Variants in SYDE2 observed in about 807,000 individuals in gnomAD.
SYDE2 encodes rho GTPase-activating protein SYDE2.
In SYDE2, 76 loss-of-function variants were observed where a neutral mutation model predicts 91.5. That is an observed-to-expected ratio of 0.83 (90% CI 0.69 to 1.01). The LOEUF (loss-of-function observed/expected upper bound fraction) is 1.01, where lower values mean the gene tolerates loss of function less well. SYDE2 is among the 50% of genes least tolerant of loss of function. The pLI, the probability that SYDE2 is intolerant of heterozygous loss-of-function variation, is 0.00. For synonymous variants in SYDE2, 513 were observed against 506.4 expected (o/e 1.01, Z -0.18); for missense variants, 1,364 against 1,367.7 (o/e 1.00, Z 0.04).
At chr1:85,167,819 T>C (rs545414399) in intron 5 of SYDE2, among the ~76,000 whole-genome samples, 9 of 152,318 alleles carry the variant, frequency 5.9e-5, no homozygotes, top group Non-Finnish European at 1.2e-4. Context: ...GTGGCACTTA[T>C]AATTTTACCT....
intron 3 of SYDE2, chr1:85,181,865 T>C: frequency 2.7e-6 from 1 of 370,074 alleles, no homozygotes; most frequent in Non-Finnish European, 4.8e-6. Context: ...ATAAGACCCA[T>C]GAAGCTCTGT....
intron 1 of SYDE2, 76 bp downstream of exon 1, chr1:85,200,176 T>C (rs908786125): frequency 6.3e-6 from 10 of 1,588,590 alleles, no homozygotes; most frequent in Non-Finnish European, 8.5e-6. Context: ...AACTTTTTCT[T>C]GGCTCTTAAG....
intron 4 of SYDE2, 21 bp downstream of exon 4, chr1:85,178,125 A>G: frequency 6.5e-7 from 1 of 1,530,080 alleles, no homozygotes; most frequent in Non-Finnish European, 8.8e-7. Flanking sequence ...AAGAGTACAT[A>G]AAATAAAATC....
chr1:85,162,885 A>G (rs1187838992), intron 6 of SYDE2, among the ~76,000 whole-genome samples: 1 of 152,166 alleles, frequency 6.6e-6, no homozygotes, highest in Non-Finnish European at 1.5e-5. Flanking sequence ...GTTTATTAGA[A>G]TTAAAGCTGT....
intron 4 of SYDE2, among the ~76,000 whole-genome samples, chr1:85,171,623 G>A (rs1657512042): frequency 6.6e-6 from 1 of 152,100 alleles, no homozygotes; most frequent in Non-Finnish European, 1.5e-5. Flanking sequence ...ATAATGTACA[G>A]AGGTCAGAGC....
chr1:85,177,115 T>C (rs1657730617), intron 4 of SYDE2, among the ~76,000 whole-genome samples: 1 of 152,124 alleles, frequency 6.6e-6, no homozygotes, highest in Admixed American at 6.6e-5. Flanking sequence ...TCAATCTCTT[T>C]AGGTGTTTCT....
intron 1 of SYDE2, among the ~76,000 whole-genome samples, chr1:85,195,868 G>A (rs1283168403): frequency 6.6e-6 from 1 of 152,146 alleles, no homozygotes; most frequent in East Asian, 1.9e-4. Flanking sequence ...GTAAGTGCTA[G>A]GCACAGCACC....
At position 85,190,215 on chromosome 1, in the gene SYDE2, T is replaced by C. The variant is rs1370427390; in HGVS notation, c.1283A>G (p.His428Arg). ...HTEDSLCSSE[H>R]AGDIQTTRSN... ...CCGTGTGGTCTGAATATCACCTGCA[T>C]GTTCGGAAGAGCACAGTGAGTCTTC... Residue 428 changes from histidine to arginine, a missense_variant, in exon 2 of 7, where the codon CAT (histidine) becomes CGT (arginine). Physicochemically the swap from His to Arg is conservative, Grantham distance 29. Coordinates refer to ENST00000341460, the MANE Select transcript of SYDE2 (RefSeq NM_032184.2). 2 of 1,614,000 alleles carry C rather than the reference T, an allele frequency of 1.2e-6. No homozygotes were observed. The highest frequency in any genetic ancestry group is 1.7e-6 in the Non-Finnish European group (2 of 1,179,902).
chr1:85,172,102 G>A (rs1029596495), intron 4 of SYDE2, among the ~76,000 whole-genome samples: 8 of 152,108 alleles, frequency 5.3e-5, no homozygotes, highest in African/African-American at 1.9e-4. Context: ...TACACATGAA[G>A]GAATTAGAAT....
intron 2 of SYDE2, among the ~76,000 whole-genome samples, chr1:85,183,822 C>G (rs192487275): frequency 3.3e-5 from 5 of 152,162 alleles, no homozygotes; most frequent in Admixed American, 3.3e-4. Flanking sequence ...TTATCACAGC[C>G]TAGAAAAGCT....
intron 2 of SYDE2, among the ~76,000 whole-genome samples, chr1:85,185,388 CA>C (rs1234943245): frequency 3.3e-5 from 5 of 151,580 alleles, no homozygotes; most frequent in Non-Finnish European, 7.4e-5. Flanking sequence ...CAATTTGCCA[CA>C]AACATTAAAA....
intron 4 of SYDE2, among the ~76,000 whole-genome samples, chr1:85,169,662 G>A (rs938980168): frequency 1.3e-5 from 2 of 152,142 alleles, no homozygotes; most frequent in Non-Finnish European, 2.9e-5. Flanking sequence ...AGTACCAATT[G>A]TCTGAAACCC....
In SYDE2 at chr1:85,178,280, T is replaced by C. The variant is rs1358687426; in HGVS notation, c.2545-8A>G. On this transcript the variant is annotated splice_region_variant and splice_polypyrimidine_tract_variant and intron_variant, in intron 3 of 6. Transcript: ENST00000341460. ...TCGATACAGGCCTACTACCTAGGAATAAAATTATGGCCACATTACAGTAAA... is the reference window on the plus strand; with the variant it reads ...TCGATACAGGCCTACTACCTAGGAACAAAATTATGGCCACATTACAGTAAA... 2.7e-5 allele frequency: 42 copies of C among 1,561,090 alleles called. No homozygotes were observed. Among genetic ancestry groups the C allele is most frequent in the Non-Finnish European group, 3.6e-5 (41 of 1,154,008 alleles).
chr1:85,200,811 G>T lies in SYDE2; in HGVS notation c.186C>A (p.Pro62=). The change falls in exon 1 of 7, where the codon CCC becomes CCA. Residue 62 remains proline (P), a synonymous_variant. Transcript: ENST00000341460. ...GGRPRQQVSP[P]RSPQREPRGG... ...CCCGCGGCTCCCTCTGAGGCGACCG[G>T]GGCGGGGACACCTGCTGCCGAGGGC... 1 of 1,442,004 alleles carries T rather than the reference G, an allele frequency of 6.9e-7. No individual in the cohort carries two copies. Among genetic ancestry groups the T allele is most frequent in the Non-Finnish European group, 9.0e-7 (1 of 1,105,576 alleles). The allele number at this position is 1,442,004 out of a possible 1,614,324, so 89.3% of individuals were successfully genotyped here. A position where few individuals can be genotyped will look rare whatever the true frequency, so the allele number is the denominator to read the frequency against.
rs1401431732 is a variant in SYDE2, at chr1:85,156,895, C to T, written c.*1855G>A. On this transcript the variant is annotated 3_prime_UTR_variant, in exon 7 of 7. Transcript: ENST00000341460. ...TTATAATATTTTAATAAAATTTTTA[C>T]ATTTCTAGAGCAATTTATTCAATTC... 1 of 151,942 alleles carries T rather than the reference C, an allele frequency of 6.6e-6. No homozygotes were observed. Among genetic ancestry groups the T allele is most frequent in the Non-Finnish European group, 1.5e-5 (1 of 67,950 alleles). The allele number at this position is 151,942 out of a possible 1,614,324, so 9.4% of individuals were successfully genotyped here.
At chr1:85,177,007 T>C (rs1657725666) in intron 4 of SYDE2, among the ~76,000 whole-genome samples, 1 of 152,124 alleles carries the variant, frequency 6.6e-6, no homozygotes, top group Non-Finnish European at 1.5e-5. Flanking sequence ...CAAAGGCCCT[T>C]TTCTTTTCTC....
intron 5 of SYDE2, 46 bp downstream of exon 5, chr1:85,168,998 G>A: frequency 1.3e-6 from 2 of 1,533,698 alleles, no homozygotes; most frequent in Non-Finnish European, 1.8e-6. Context: ...TAGGTATACA[G>A]TTCATTAACT....
chr1:85,175,242 G>A (rs950525048), intron 4 of SYDE2, among the ~76,000 whole-genome samples: 9 of 152,226 alleles, frequency 5.9e-5, no homozygotes, highest in Non-Finnish European at 8.8e-5. Flanking sequence ...GCTCACGCCT[G>A]TAATCCCAGC....
At chr1:85,194,738 C>G in intron 1 of SYDE2, 1 of 811,924 alleles carries the variant, frequency 1.2e-6, no homozygotes, top group East Asian at 1.2e-4. Context: ...CTACCCAAGT[C>G]AATTCTGTTT....
Sources: allele counts gnomAD v4.1 joint callset (sites outside exome capture counted in the v4.1 genomes callset), GRCh38; gene constraint gnomAD v4.1.1; transcripts MANE v1.5; gene names NCBI Gene and HGNC (gene_info 2026-07-23, HGNC 2026-07-21).